Variants in CFAP251 observed in about 807,000 individuals in gnomAD.
CFAP251 encodes the protein cilia and flagella associated protein 251, also known as cilia- and flagella-associated protein 251.
CFAP251 carries 93 observed loss-of-function variants against 126.7 expected under a neutral mutation model. That is an observed-to-expected ratio of 0.73 (90% CI 0.62 to 0.87). CFAP251 has a LOEUF of 0.87. CFAP251 is among the 40% of genes least tolerant of loss of function. CFAP251 has a pLI of 0.00. For missense variants in CFAP251, 1,287 were observed against 1,389.2 expected, an observed-to-expected ratio of 0.93 and a Z score of 1.17; for synonymous variants, 503 against 506.9, an observed-to-expected ratio of 0.99 and a Z score of 0.10.
At position 121,958,321 on chromosome 12, in the gene CFAP251, G is replaced by A. The variant is rs1392342475; in HGVS notation, c.1780G>A (p.Asp594Asn). ...SDAAVYHLTT[D>N]GTKLEKLFVE... is the part of the protein sequence containing the mutation. ...TGCCGCGGTGTACCACTTAACAACA[G>A]ATGGGACCAAACTTGAGAAGTTATT... The change falls in exon 12 of 22, where the codon GAT becomes AAT. Residue 594 changes from aspartate to asparagine, a missense_variant. Transcript: ENST00000288912. The A allele has an allele frequency of 1.9e-6, 3 of 1,614,078 alleles. No homozygotes were observed. Among genetic ancestry groups the A allele is most frequent in the Non-Finnish European group, 2.5e-6 (3 of 1,180,046 alleles).
chr12:121,981,037 G>T (rs978841250), intron 19 of CFAP251, among the ~76,000 whole-genome samples: 1 of 152,246 alleles, frequency 6.6e-6, no homozygotes, highest in Non-Finnish European at 1.5e-5. Flanking sequence ...TGCTTACTCA[G>T]TGGGGGGCTC....
intron 14 of CFAP251, among the ~76,000 whole-genome samples, chr12:121,961,105 C>T (rs1254941163): frequency 6.6e-6 from 1 of 152,098 alleles, no homozygotes; most frequent in Non-Finnish European, 1.5e-5. Flanking sequence ...TCAGTTGGGG[C>T]CAGGCTGCTA....
intron 10 of CFAP251, among the ~76,000 whole-genome samples, chr12:121,956,433 G>A (rs1264422623): frequency 6.6e-6 from 1 of 152,122 alleles, no homozygotes; most frequent in Non-Finnish European, 1.5e-5. Context: ...TGATAAAATT[G>A]CCAGGTATAA....
At chr12:121,998,126 A>G (rs989236808) in intron 19 of CFAP251, 2 of 151,798 alleles carry the variant, frequency 1.3e-5, no homozygotes, top group African/African-American at 4.9e-5. Flanking sequence ...TCATGGGCTC[A>G]CTGCAGCCTC....
At chr12:122,001,476 T>C (rs763682674) in intron 20 of CFAP251, 21 bp from the exon 21 acceptor site, 17 of 1,600,552 alleles carry the variant, frequency 1.1e-5, no homozygotes, top group Admixed American at 1.7e-5. Context: ...AACAATCACC[T>C]TCTCACTCTT....
intron 5 of CFAP251, among the ~76,000 whole-genome samples, chr12:121,940,738 T>A (rs1459084134): frequency 2.0e-5 from 3 of 152,164 alleles, no homozygotes; most frequent in Non-Finnish European, 4.4e-5. Context: ...AAGGCTGTGT[T>A]GGAATCATAC....
At chr12:121,921,805 T>TG in intron 2 of CFAP251, 122 bp downstream of exon 2, 1 of 1,187,318 alleles carries the variant, frequency 8.4e-7, no homozygotes, top group Non-Finnish European at 1.2e-6. Flanking sequence ...TTTTTTTTTT[T>TG]TTGAGACAGA....
chr12:121,976,722 CAT>C (rs916482032), intron 19 of CFAP251, among the ~76,000 whole-genome samples: 4 of 152,050 alleles, frequency 2.6e-5, no homozygotes, highest in African/African-American at 7.2e-5. Context: ...GCCAGGGTAA[CAT>C]AGAGAGATCC....
chr12:121,936,324 G>A (rs1028750886), intron 5 of CFAP251, among the ~76,000 whole-genome samples: 4 of 152,182 alleles, frequency 2.6e-5, no homozygotes, highest in African/African-American at 9.7e-5. Flanking sequence ...GTGCATGCCT[G>A]TAGTCCCAGC....
intron 8 of CFAP251, chr12:121,950,612 C>G (rs753528339): frequency 6.6e-6 from 1 of 152,038 alleles, no homozygotes; most frequent in Non-Finnish European, 1.5e-5. Context: ...GGCTGCAGTG[C>G]AGTGGTGCGA....
chr12:121,920,779 G>A (rs550463775), intron 1 of CFAP251, among the ~76,000 whole-genome samples: 7 of 152,130 alleles, frequency 4.6e-5, no homozygotes, highest in Non-Finnish European at 1.0e-4. Flanking sequence ...TGATCCTCCC[G>A]CCTCAGCCTC....
Position 121,919,870 on chromosome 12 carries a change from G to A in CFAP251, c.-21+1175G>A, listed in dbSNP as rs147622226. On this transcript the variant is annotated intron_variant, in intron 1 of 21. Transcript: ENST00000288912. The stretch of plus-strand genomic sequence containing the variant: ...CTGGATCAGTATTTTTAAGATCTGG[G>A]CCACAAATACATATACTTTAAGATT... 1.8e-3 allele frequency among the ~76,000 whole-genome samples: 276 copies of A among 152,270 alleles called. 5 individuals are homozygous for A. The highest frequency in any genetic ancestry group is 0.016 in the Admixed American group (246 of 15,296).
chr12:121,927,857 TATGA>T (rs1880482171), intron 3 of CFAP251, among the ~76,000 whole-genome samples: 2 of 152,220 alleles, frequency 1.3e-5, no homozygotes, highest in Admixed American at 6.5e-5. Flanking sequence ...GCAGGAATCT[TATGA>T]ATATCAAATA....
chr12:121,984,631 T>A (rs565390101), intron 19 of CFAP251, among the ~76,000 whole-genome samples: 1 of 152,288 alleles, frequency 6.6e-6, no homozygotes, highest in East Asian at 1.9e-4. Context: ...AAATGAAAGA[T>A]CTGCAGCATG....
intron 2 of CFAP251, 137 bp downstream of exon 2, chr12:121,921,820 C>T (rs961248875): frequency 3.2e-6 from 3 of 933,582 alleles, no homozygotes; most frequent in African/African-American, 3.7e-5. Flanking sequence ...GACAGAGTCT[C>T]ACTGTTGCCC....
chr12:121,986,639 C>T (rs1274650635), intron 19 of CFAP251, among the ~76,000 whole-genome samples: 1 of 150,286 alleles, frequency 6.7e-6, no homozygotes, highest in East Asian at 2.0e-4. Context: ...GTGGCTCACG[C>T]CTGAAGTCCC....
At position 121,921,615 on chromosome 12, in the gene CFAP251, A is replaced by G; in HGVS notation, c.310A>G (p.Thr104Ala). The G allele has an allele frequency of 6.2e-7, 1 of 1,614,210 alleles. No homozygotes were observed. The change falls in exon 2 of 22, where the codon ACA becomes GCA. Residue 104 changes from threonine (T) to alanine (A), a missense_variant. Physicochemically the swap from Thr to Ala is moderately conservative, Grantham distance 58. Transcript: ENST00000288912. ...EETTVEPQEV[T>A]ASMIRLETQI... Reference sequence around the variant, plus strand: ...AACCACAGTAGAGCCCCAAGAAGTCACAGCGTCCATGATCCGTTTGGAGAC... The same window carrying G: ...AACCACAGTAGAGCCCCAAGAAGTCGCAGCGTCCATGATCCGTTTGGAGAC...
At chr12:121,945,327 G>GTTTTCTTTTC (rs71917340) in intron 7 of CFAP251, among the ~76,000 whole-genome samples, 25 of 150,560 alleles carry the variant, frequency 1.7e-4, no homozygotes, top group Admixed American at 5.3e-4. Context: ...TTGTTGTTTT[G>GTTTTCTTTTC]TTTTCTTTTC....
At chr12:121,920,896 TG>T (rs201929262) in intron 1 of CFAP251, among the ~76,000 whole-genome samples, 12,127 of 151,874 alleles carry the variant, frequency 0.08, 933 homozygotes, top group African/African-American at 0.2. Context: ...TTACCCAGGC[TG>T]GAGTGCAATG....
Sources: gnomAD v4.1 joint callset for allele counts (sites outside exome capture counted in the v4.1 genomes callset) on GRCh38, gnomAD v4.1.1 for gene constraint, MANE v1.5 for transcripts, NCBI Gene and HGNC (gene_info 2026-07-23, HGNC 2026-07-21) for gene names.